GVQW3: variants seen among roughly 807,000 people sequenced by gnomAD.
The protein encoded by GVQW3 is GVQW motif containing 3.
Under a neutral mutation model 12.5 loss-of-function variants are expected in GVQW3, and 7 were observed. That is an observed-to-expected ratio of 0.56 (90% CI 0.32 to 1.05). The LOEUF is 1.05. Ranked by LOEUF, GVQW3 falls within the 50% of genes least tolerant of loss-of-function variation. The pLI, the probability that GVQW3 is intolerant of heterozygous loss-of-function variation, is 0.04. For synonymous variants in GVQW3, 71 were observed against 67.2 expected (o/e 1.06, Z -0.28); for missense variants, 188 against 190.8 (o/e 0.99, Z 0.09).
chr11:76,403,674 T>C lies in GVQW3; in HGVS notation c.480T>C (p.Thr160=). The change falls in exon 2 of 2, where the codon ACT becomes ACC. Residue 160 remains threonine, a synonymous_variant. Coordinates refer to ENST00000529331, the MANE Select transcript of GVQW3 (RefSeq NM_001347885.2). ...SCLRKKRRNL[T]MLPRLVSNSL... is the part of the protein sequence containing the mutation. ...ATTTTTTGTAGAGACGGAACCTCAC[T>C]ATGTTGCCCAGGCTGGTCTCGAACT... The C allele has an allele frequency of 2.2e-6, 1 of 456,914 alleles. No homozygotes were observed. Among genetic ancestry groups the C allele is most frequent in the Admixed American group, 3.9e-5 (1 of 25,464 alleles). 28.3% of individuals were successfully genotyped at this position (456,914 alleles called of 1,614,324 possible).
At chr11:76,385,405 C>G (rs1946823278) in intron 1 of GVQW3, among the ~76,000 whole-genome samples, 1 of 152,224 alleles carries the variant, frequency 6.6e-6, no homozygotes, top group African/African-American at 2.4e-5. Context: ...TCTTGAGCTC[C>G]TGGTCCCGTA....
In GVQW3 at chr11:76,407,038, A is replaced by C. The variant is rs983961001; in HGVS notation, c.*3280A>C. 2.0e-5 allele frequency: 3 copies of C among 151,928 alleles called. No homozygotes were observed. The highest frequency in any genetic ancestry group is 4.4e-5 in the Non-Finnish European group (3 of 67,988). The allele number at this position is 151,928 out of a possible 1,614,324, so 9.4% of individuals were successfully genotyped here. On this transcript the variant is annotated 3_prime_UTR_variant, in exon 2 of 2. Transcript: ENST00000529331. ...ATAAATAAAATAAAATAAAATAAATAAATAAATAAATATGCCCTCCCAGGT... is the reference window on the plus strand; with the variant it reads ...ATAAATAAAATAAAATAAAATAAATCAATAAATAAATATGCCCTCCCAGGT...
chr11:76,390,479 G>A (rs916817055), intron 1 of GVQW3, among the ~76,000 whole-genome samples: 7 of 152,210 alleles, frequency 4.6e-5, no homozygotes, highest in African/African-American at 1.4e-4. Context: ...CAATAAACAA[G>A]ACCCCAAGAA....
chr11:76,403,866 G>A lies in GVQW3; in HGVS notation c.*108G>A, dbSNP rs1393820770. On this transcript the variant is annotated 3_prime_UTR_variant, in exon 2 of 2. Coordinates refer to ENST00000529331, the MANE Select transcript of GVQW3 (RefSeq NM_001347885.2). ...TGTACAAGGGCAGGAGAAGATGGAT[G>A]TCACAGCTCAAGAAGCGAGAACAAA... The A allele has an allele frequency of 1.3e-5, 9 of 699,490 alleles. No individual in the cohort carries two copies. Among genetic ancestry groups the A allele is most frequent in the Non-Finnish European group, 2.1e-5 (8 of 383,096 alleles). 43.3% of individuals were successfully genotyped at this position (699,490 alleles called of 1,614,324 possible).
At chr11:76,383,626 A>G (rs1221332431) in intron 1 of GVQW3, 1 of 152,226 alleles carries the variant, frequency 6.6e-6, no homozygotes. Flanking sequence ...TAAAAATACA[A>G]AAATTAGCTG....
rs143659834 is a variant in GVQW3, at chr11:76,405,118, G to A, written c.*1360G>A. 2.0e-5 allele frequency: 3 copies of A among 152,286 alleles called. No individual in the cohort carries two copies. The highest frequency in any genetic ancestry group is 3.9e-4 in the East Asian group (2 of 5,180). 9.4% of individuals were successfully genotyped at this position (152,286 alleles called of 1,614,324 possible). ...TCCATCTTGGTTACAAGATGGCTGT[G>A]ACACCCTGCCCTCACCTCCAAGTTC... On this transcript the variant is annotated 3_prime_UTR_variant, in exon 2 of 2. Coordinates refer to ENST00000529331, the MANE Select transcript of GVQW3 (RefSeq NM_001347885.2).
chr11:76,409,298 T>C (rs545678928), downstream of GVQW3, among the ~76,000 whole-genome samples: 6 of 152,174 alleles, frequency 3.9e-5, no homozygotes, highest in South Asian at 2.1e-4. Context: ...AGGAGAGATA[T>C]AAAATAAACA....
intron 1 of GVQW3, among the ~76,000 whole-genome samples, chr11:76,398,146 A>AG (rs1459424704): frequency 1.3e-4 from 20 of 151,788 alleles, no homozygotes; most frequent in Admixed American, 3.3e-4. Flanking sequence ...AAAAAAAAAA[A>AG]AAAAGAAAGA....
intron 1 of GVQW3, among the ~76,000 whole-genome samples, chr11:76,393,822 TA>T (rs1946915827): frequency 1.3e-5 from 2 of 152,188 alleles, no homozygotes; most frequent in Admixed American, 1.3e-4. Context: ...CACATCAGGG[TA>T]AATGGGGTAT....
chr11:76,394,736 C>G (rs189950644), intron 1 of GVQW3, among the ~76,000 whole-genome samples: 31 of 152,218 alleles, frequency 2.0e-4, no homozygotes, highest in Non-Finnish European at 7.4e-5. Context: ...TATATGGTAG[C>G]TCTATTTTTC....
rs1029910875 is a variant in GVQW3 at position 76,407,600 on chromosome 11, A to T, written c.*3842A>T. On this transcript the variant is annotated 3_prime_UTR_variant, in exon 2 of 2. Transcript: ENST00000529331. The stretch of plus-strand genomic sequence containing the variant: ...TCAAAAAAAAAAAAAAAAAAAAAAA[A>T]AAAGAATTTAAGCCAGTTGACCTAG... 1 of 139,472 alleles carries T rather than the reference A, an allele frequency of 7.2e-6. No individual in the cohort carries two copies. The highest frequency in any genetic ancestry group is 1.6e-5 in the Non-Finnish European group (1 of 64,168). The allele number at this position is 139,472 out of a possible 1,614,324, so 8.6% of individuals were successfully genotyped here. A position where few individuals can be genotyped will look rare whatever the true frequency, so the allele number is the denominator to read the frequency against.
chr11:76,398,764 A>G (rs961155956), intron 1 of GVQW3, among the ~76,000 whole-genome samples: 2 of 152,122 alleles, frequency 1.3e-5, no homozygotes, highest in Non-Finnish European at 2.9e-5. Context: ...CCCAGCCTGA[A>G]TTCAATTTTC....
At chr11:76,389,661 T>C (rs1204731894) in intron 1 of GVQW3, 2 of 152,230 alleles carry the variant, frequency 1.3e-5, no homozygotes, top group Admixed American at 6.5e-5. Flanking sequence ...AGGATATGAA[T>C]GCTCTCCTGG....
intron 1 of GVQW3, among the ~76,000 whole-genome samples, chr11:76,397,160 C>T (rs556878778): frequency 9.9e-5 from 15 of 152,056 alleles, no homozygotes; most frequent in Admixed American, 3.3e-4. Context: ...CGCACCACCA[C>T]GCCCAGCTAA....
In GVQW3 at chr11:76,381,362, C is replaced by G. The variant is rs1348368134; in HGVS notation, c.-467C>G. 1 of 154,788 alleles carries G rather than the reference C, an allele frequency of 6.5e-6. No individual in the cohort carries two copies. The highest frequency in any genetic ancestry group is 2.4e-5 in the African/African-American group (1 of 41,546). The allele number at this position is 154,788 out of a possible 1,614,324, so 9.6% of individuals were successfully genotyped here. A position where few individuals can be genotyped will look rare whatever the true frequency, so the allele number is the denominator to read the frequency against. Reference sequence around the variant, plus strand: ...CCCGGGACGCTAGAGCAGGCGGTTCCTGGGCTGCTCCGGTAGGTTTGGCGT... The same window carrying G: ...CCCGGGACGCTAGAGCAGGCGGTTCGTGGGCTGCTCCGGTAGGTTTGGCGT... On this transcript the variant is annotated 5_prime_UTR_variant, in exon 1 of 2. Transcript: ENST00000529331.
At chr11:76,385,887 T>C (rs1479032195) in intron 1 of GVQW3, among the ~76,000 whole-genome samples, 1 of 152,160 alleles carries the variant, frequency 6.6e-6, no homozygotes, top group Non-Finnish European at 1.5e-5. Context: ...TTACCTCTAG[T>C]AGCAAGAGTC....
intron 1 of GVQW3, among the ~76,000 whole-genome samples, chr11:76,403,190 CCTGCCT>C (rs1386020193): frequency 6.6e-6 from 1 of 152,200 alleles, no homozygotes; most frequent in Non-Finnish European, 1.5e-5. Context: ...TCATGATCCG[CCTGCCT>C]CAGCCTCCCA....
At chr11:76,390,471 A>G (rs1165933132) in intron 1 of GVQW3, among the ~76,000 whole-genome samples, 3 of 152,256 alleles carry the variant, frequency 2.0e-5, no homozygotes, top group Non-Finnish European at 2.9e-5. Flanking sequence ...TCTAGACACA[A>G]TAAACAAGAC....
chr11:76,403,314 T>C (rs1008541520), intron 1 of GVQW3, among the ~76,000 whole-genome samples: 2 of 152,214 alleles, frequency 1.3e-5, no homozygotes, highest in Non-Finnish European at 2.9e-5. Flanking sequence ...AGGAGATGTA[T>C]GTAAATAGAT....
Sources: gnomAD v4.1 joint callset for allele counts (sites outside exome capture counted in the v4.1 genomes callset) on GRCh38, gnomAD v4.1.1 for gene constraint, MANE v1.5 for transcripts, NCBI Gene and HGNC (gene_info 2026-07-23, HGNC 2026-07-21) for gene names.